The following GARNL3 variants were observed in gnomAD, a reference collection of about 807,000 sequenced individuals.
GARNL3 encodes the protein GTPase-activating Rap/Ran-GAP domain-like protein 3.
Under a neutral mutation model 125.0 loss-of-function variants are expected in GARNL3, and 63 were observed. That is an observed-to-expected ratio of 0.50 (90% CI 0.41 to 0.62). The LOEUF (loss-of-function observed/expected upper bound fraction) is 0.62, where lower values mean the gene tolerates loss of function less well. Among genes scored for constraint, GARNL3 ranks in the 20% least tolerant of loss-of-function variants. The pLI is 0.00. For missense variants in GARNL3, 994 were observed against 1,244.0 expected, an observed-to-expected ratio of 0.80 and a Z score of 3.02; for synonymous variants, 439 against 457.5, an observed-to-expected ratio of 0.96 and a Z score of 0.52.
At chr9:127,300,328 T>G (rs1265069335) in intron 2 of GARNL3, 3 of 239,366 alleles carry the variant, frequency 1.3e-5, no homozygotes, top group African/African-American at 2.3e-5. Flanking sequence ...GTGGGAATTT[T>G]GGCTGTGTAA....
rs1420761334 is a variant in GARNL3, at chr9:127,383,501, C to G, written c.2225C>G (p.Ala742Gly). ...GGCTCTTTTTTGGTTCAACCTTCTG[C>G]GTCAGATTTCCAGTTCTGTTGGAAC... The part of the protein sequence containing the change: ...NGGSFLVQPS[A>G]SDFQFCWNQA... The change falls in exon 23 of 28, where the codon GCG (alanine) becomes GGG (glycine). Residue 742 changes from alanine to glycine, a missense_variant. Coordinates refer to ENST00000373387, the MANE Select transcript of GARNL3 (RefSeq NM_032293.5). 6.2e-7 allele frequency: 1 copy of G among 1,613,596 alleles called. No homozygotes were observed. The highest frequency in any genetic ancestry group is 8.5e-7 in the Non-Finnish European group (1 of 1,179,764).
chr9:127,284,826 A>G (rs1386700171), intron 1 of GARNL3, among the ~76,000 whole-genome samples: 1 of 151,884 alleles, frequency 6.6e-6, no homozygotes, highest in East Asian at 1.9e-4. Flanking sequence ...GAATAGTAAA[A>G]TAAATTTATA....
At chr9:127,302,234 G>A (rs532093297) in intron 2 of GARNL3, among the ~76,000 whole-genome samples, 92 of 152,160 alleles carry the variant, frequency 6.0e-4, no homozygotes, top group Non-Finnish European at 8.2e-4. Flanking sequence ...GAGCCACCGC[G>A]CTCGGCCGGG....
intron 1 of GARNL3, among the ~76,000 whole-genome samples, chr9:127,269,680 TC>T (rs1305626969): frequency 6.6e-5 from 10 of 152,328 alleles, no homozygotes; most frequent in Middle Eastern, 3.4e-3. Flanking sequence ...ATGTTGAGCA[TC>T]TTTTCATGTG....
In GARNL3 at chr9:127,335,327, ACAG is replaced by A. The variant is rs1829489037; in HGVS notation, c.871_873del (p.Gln291del). 6.2e-7 allele frequency: 1 copy of A among 1,605,742 alleles called. No homozygotes were observed. Among genetic ancestry groups the A allele is most frequent in the Admixed American group, 1.7e-5 (1 of 60,004 alleles). On this transcript the variant is annotated inframe_deletion, in exon 10 of 28. Transcript: ENST00000373387. ...TGTTGCCATATTCCAAAGAGAACAA[ACAG>A]CAGGTACATGTGAACATACAAACCA...
intron 17 of GARNL3, among the ~76,000 whole-genome samples, chr9:127,352,987 T>C (rs1173383720): frequency 1.3e-5 from 2 of 152,194 alleles, no homozygotes; most frequent in Non-Finnish European, 2.9e-5. Context: ...GCCATCCATC[T>C]CAGAACAGAC....
chr9:127,381,854 C>G (rs562176620), intron 22 of GARNL3, among the ~76,000 whole-genome samples: 6 of 152,090 alleles, frequency 3.9e-5, no homozygotes, highest in African/African-American at 1.4e-4. Flanking sequence ...ATCCTCCCGC[C>G]TGGGACTCAC....
intron 4 of GARNL3, among the ~76,000 whole-genome samples, chr9:127,313,873 AT>A (rs1438513300): frequency 6.6e-6 from 1 of 151,934 alleles, no homozygotes; most frequent in Non-Finnish European, 1.5e-5. Context: ...AGCCTTTACA[AT>A]TTTTTTGCCT....
chr9:127,251,097 C>T (rs1193672359), intron 2 of GARNL3, among the ~76,000 whole-genome samples: 3 of 152,132 alleles, frequency 2.0e-5, no homozygotes, highest in Non-Finnish European at 4.4e-5. Flanking sequence ...TAAGGGCACA[C>T]TATAAATAGG....
chr9:127,267,190 A>G lies in GARNL3; in HGVS notation c.144+2169A>G, dbSNP rs973506869. Among the ~76,000 whole-genome samples the G allele has an allele frequency of 2.0e-5, 3 of 152,002 alleles. No individual in the cohort carries two copies. In the East Asian group the frequency reaches 5.8e-4, roughly 29 times the overall value. On this transcript the variant is annotated intron_variant, in intron 1 of 27. Coordinates refer to ENST00000373387, the MANE Select transcript of GARNL3 (RefSeq NM_032293.5). Reference sequence around the variant, plus strand: ...CAGTTGACCAAACGTTCTTCAATCCATTTGTTCACATTTTTCCTCTGGGGC... The same window carrying G: ...CAGTTGACCAAACGTTCTTCAATCCGTTTGTTCACATTTTTCCTCTGGGGC...
chr9:127,355,446 C>T lies in GARNL3; in HGVS notation c.1909C>T (p.Pro637Ser), dbSNP rs138237137. The change falls in exon 20 of 28, where the codon CCT (proline) becomes TCT (serine). Residue 637 changes from proline to serine, a missense_variant. By Grantham distance (74) the Pro-to-Ser change is moderately conservative. Coordinates refer to ENST00000373387, the MANE Select transcript of GARNL3 (RefSeq NM_032293.5). ...ATTGTTATCTCCCCTGTCTGAGTCA[C>T]CTGTTGAAGAATTCCAGTACATCAG... ...TSLLSPLSES[P>S]VEEFQYIREI... The T allele has an allele frequency of 1.8e-4, 284 of 1,614,090 alleles. No homozygotes were observed. The highest frequency in any genetic ancestry group is 2.1e-4 in the Non-Finnish European group (251 of 1,180,028).
intron 1 of GARNL3, among the ~76,000 whole-genome samples, chr9:127,236,875 G>A (rs1353853178): frequency 6.6e-6 from 1 of 152,158 alleles, no homozygotes; most frequent in African/African-American, 2.4e-5. Flanking sequence ...CCCACTGGAG[G>A]TTATCCATTA....
At chr9:127,390,518 CA>C in intron 26 of GARNL3, 122 bp from the exon 27 acceptor site, 1 of 838,130 alleles carries the variant, frequency 1.2e-6, no homozygotes, top group South Asian at 1.7e-5. Flanking sequence ...TATATTCTAT[CA>C]TCTTTCTTCC....
At chr9:127,350,105 G>T (rs1365185128) in intron 17 of GARNL3, among the ~76,000 whole-genome samples, 14 of 152,102 alleles carry the variant, frequency 9.2e-5, no homozygotes, top group Admixed American at 9.2e-4. Flanking sequence ...TTTGATATGT[G>T]TTTCAATTGT....
chr9:127,234,346 T>C (rs1393545149), intron 1 of GARNL3, among the ~76,000 whole-genome samples: 3 of 152,208 alleles, frequency 2.0e-5, no homozygotes, highest in Non-Finnish European at 4.4e-5. Flanking sequence ...GTTAAAGATC[T>C]TAAGAGAGAT....
chr9:127,339,440 T>G (rs1829742354), intron 12 of GARNL3, among the ~76,000 whole-genome samples: 1 of 152,080 alleles, frequency 6.6e-6, no homozygotes. Flanking sequence ...AAACCCCTGA[T>G]AGGCCTATCA....
chr9:127,256,226 G>T (rs566523750), intron 2 of GARNL3, among the ~76,000 whole-genome samples: 5 of 152,316 alleles, frequency 3.3e-5, no homozygotes, highest in African/African-American at 1.2e-4. Flanking sequence ...AGCCAAGGTT[G>T]CTGTCACTGA....
exon 2 of GARNL3, chr9:127,243,166 A>G (rs1185423330): frequency 9.5e-6 from 13 of 1,366,448 alleles, no homozygotes; most frequent in Admixed American, 1.9e-5. Context: ...TTCTATGGAA[A>G]GCAAAGTCGT....
intron 22 of GARNL3, among the ~76,000 whole-genome samples, chr9:127,377,969 G>A (rs569212011): frequency 4.4e-4 from 67 of 151,950 alleles, no homozygotes; most frequent in East Asian, 7.8e-4. Context: ...GGCTGGGCAC[G>A]GTGGCTCACA....
Sources: allele counts gnomAD v4.1 joint callset (sites outside exome capture counted in the v4.1 genomes callset), GRCh38; gene constraint gnomAD v4.1.1; transcripts MANE v1.5; gene names NCBI Gene and HGNC (gene_info 2026-07-23, HGNC 2026-07-21).